The following ARHGAP6 variants were observed in gnomAD, a reference collection of about 807,000 sequenced individuals.
The protein encoded by ARHGAP6 is Rho GTPase activating protein 6.
In ARHGAP6, 16 loss-of-function variants were observed where a neutral mutation model predicts 55.7. The ratio of observed to expected loss-of-function variants is 0.29; its 90% confidence interval spans 0.19 to 0.44. The LOEUF is 0.44. Ranked by LOEUF, ARHGAP6 falls within the 20% of genes least tolerant of loss-of-function variation. The pLI is 1.00. For missense variants in ARHGAP6, 698 were observed against 808.9 expected, an observed-to-expected ratio of 0.86 and a Z score of 1.66; for synonymous variants, 382 against 360.9, an observed-to-expected ratio of 1.06 and a Z score of -0.66.
intron 1 of ARHGAP6, among the ~76,000 whole-genome samples, chrX:11,467,542 T>C (rs775190574): frequency 1.7e-4 from 19 of 111,544 alleles, no homozygotes; most frequent in South Asian, 1.5e-3. Context: ...GGTATATACA[T>C]AGAATGAAAT....
intron 1 of ARHGAP6, among the ~76,000 whole-genome samples, chrX:11,655,939 A>G (rs2052632593): frequency 1.8e-5 from 2 of 112,583 alleles, no homozygotes; most frequent in Non-Finnish European, 3.8e-5. Flanking sequence ...TCACTATGAA[A>G]ACATGAGCTT....
chrX:11,316,118 C>A (rs1418366509), intron 1 of ARHGAP6, among the ~76,000 whole-genome samples: 2 of 111,700 alleles, frequency 1.8e-5, no homozygotes, highest in African/African-American at 6.5e-5. Flanking sequence ...AGAATCTGAC[C>A]TCTTCTCATA....
chrX:11,350,128 C>T (rs2048842175), intron 1 of ARHGAP6, among the ~76,000 whole-genome samples: 1 of 111,750 alleles, frequency 8.9e-6, no homozygotes, highest in South Asian at 3.7e-4. Flanking sequence ...CCCCTCTGGG[C>T]TCCAGTTCCC....
At chrX:11,276,129 G>A (rs1318745638) in intron 1 of ARHGAP6, among the ~76,000 whole-genome samples, 1 of 111,208 alleles carries the variant, frequency 9.0e-6, no homozygotes, top group Non-Finnish European at 1.9e-5. Context: ...AAGAGGAGGG[G>A]TGGGAATGTT....
intron 9 of ARHGAP6, among the ~76,000 whole-genome samples, chrX:11,163,827 A>T (rs1416450150): frequency 8.9e-6 from 1 of 112,025 alleles, no homozygotes; most frequent in Non-Finnish European, 1.9e-5. Context: ...GAACAAATAC[A>T]GTGGAAGGGT....
intron 1 of ARHGAP6, among the ~76,000 whole-genome samples, chrX:11,459,882 G>A (rs1166064929): frequency 1.8e-5 from 2 of 111,239 alleles, no homozygotes; most frequent in Non-Finnish European, 3.8e-5. Context: ...TCAGCCCTAG[G>A]TTGTGCATTT....
intron 2 of ARHGAP6, among the ~76,000 whole-genome samples, chrX:11,248,182 C>T (rs1007178011): frequency 9.0e-6 from 1 of 111,383 alleles, no homozygotes; most frequent in Admixed American, 9.6e-5. Context: ...CCCTGAATAA[C>T]GGCCTGGAAG....
chrX:11,546,920 A>C (rs2051217222), intron 1 of ARHGAP6, among the ~76,000 whole-genome samples: 1 of 112,131 alleles, frequency 8.9e-6, no homozygotes, highest in African/African-American at 3.2e-5. Flanking sequence ...GTAAATACAA[A>C]GGCTTCGCTT....
At chrX:11,519,584 C>A (rs1165495024) in intron 1 of ARHGAP6, among the ~76,000 whole-genome samples, 1 of 110,839 alleles carries the variant, frequency 9.0e-6, no homozygotes, top group Non-Finnish European at 1.9e-5. Context: ...TAACTTCAAA[C>A]TATACTACAA....
chrX:11,505,356 G>A (rs1461960016), intron 1 of ARHGAP6, among the ~76,000 whole-genome samples: 1 of 111,014 alleles, frequency 9.0e-6, no homozygotes, highest in African/African-American at 3.3e-5. Flanking sequence ...AGATACCATC[G>A]CACATCAGTC....
chrX:11,508,404 A>G (rs1320972303), intron 1 of ARHGAP6, among the ~76,000 whole-genome samples: 6 of 111,467 alleles, frequency 5.4e-5, no homozygotes, highest in Non-Finnish European at 1.9e-5. Flanking sequence ...CTGAAATTCA[A>G]ATTCACCTGA....
intron 1 of ARHGAP6, among the ~76,000 whole-genome samples, chrX:11,332,567 G>A: frequency 9.0e-6 from 1 of 111,707 alleles, no homozygotes; most frequent in Admixed American, 9.5e-5. Flanking sequence ...TTTGACTCAA[G>A]TTCATGTTGA....
intron 1 of ARHGAP6, among the ~76,000 whole-genome samples, chrX:11,607,871 C>T (rs1384888372): frequency 2.7e-5 from 3 of 112,239 alleles, no homozygotes; most frequent in Non-Finnish European, 5.6e-5. Context: ...AGCCTAACAG[C>T]ACATCTGATA....
chrX:11,208,068 G>C (rs1352530692), intron 2 of ARHGAP6, among the ~76,000 whole-genome samples: 6 of 111,974 alleles, frequency 5.4e-5, no homozygotes, highest in African/African-American at 1.6e-4. Context: ...GTTGTTGCAG[G>C]TTGTTGAGAA....
At chrX:11,240,644 A>T (rs2047262112) in intron 2 of ARHGAP6, among the ~76,000 whole-genome samples, 1 of 111,813 alleles carries the variant, frequency 8.9e-6, no homozygotes, top group Admixed American at 9.5e-5. Flanking sequence ...ATTGATCAAT[A>T]GGTGAGATTC....
At chrX:11,256,643 G>GGT (rs1446941403) in intron 1 of ARHGAP6, among the ~76,000 whole-genome samples, 1 of 111,655 alleles carries the variant, frequency 9.0e-6, no homozygotes, top group African/African-American at 3.3e-5. Flanking sequence ...TAAAAGGAAT[G>GGT]GTGTGTGAAA....
At chrX:11,472,435 G>A in intron 1 of ARHGAP6, among the ~76,000 whole-genome samples, 1 of 111,964 alleles carries the variant, frequency 8.9e-6, no homozygotes, top group Non-Finnish European at 1.9e-5. Context: ...GTTGTTTCAA[G>A]GGGAGAAGGC....
chrX:11,355,812 A>G (rs886717916), intron 1 of ARHGAP6, among the ~76,000 whole-genome samples: 1 of 111,267 alleles, frequency 9.0e-6, no homozygotes, highest in Non-Finnish European at 1.9e-5. Flanking sequence ...GGAGAAGGGG[A>G]TGGCTGGAAA....
At chrX:11,540,589 C>T (rs762198024) in intron 1 of ARHGAP6, among the ~76,000 whole-genome samples, 3 of 111,813 alleles carry the variant, frequency 2.7e-5, no homozygotes, top group African/African-American at 9.7e-5. Flanking sequence ...TTAGATCCCT[C>T]TTTGGGATCT....
Sources: allele counts gnomAD v4.1 joint callset (sites outside exome capture counted in the v4.1 genomes callset), GRCh38; gene constraint gnomAD v4.1.1; transcripts MANE v1.5; gene names NCBI Gene and HGNC (gene_info 2026-07-23, HGNC 2026-07-21).